MYH2: variants seen among roughly 807,000 people sequenced by gnomAD.
MYH2 encodes myosin heavy chain 2, also known as myosin-2.
MYH2 carries 139 observed loss-of-function variants against 228.1 expected under a neutral mutation model. The observed-to-expected ratio is 0.61, with a 90% CI of 0.53 to 0.70. The LOEUF is 0.70. MYH2 is among the 30% of genes least tolerant of loss of function. The pLI is 0.00. For synonymous variants in MYH2, 796 were observed against 871.1 expected, an observed-to-expected ratio of 0.91 and a Z score of 1.52; for missense variants, 1,809 against 2,357.5, an observed-to-expected ratio of 0.77 and a Z score of 4.82.
At position 10,521,272 on chromosome 17, in the gene MYH2, G is replaced by A. The variant is rs780497979; in HGVS notation, c.*8C>T. The A allele has an allele frequency of 1.2e-5, 19 of 1,613,176 alleles. No individual in the cohort carries two copies. In the East Asian group the frequency reaches 2.5e-4, roughly 21 times the overall value. ...TGTCTTCAGTCATTCCATGGCATCA[G>A]GACATGATCACTCTTCACTTATGAC... On this transcript the variant is annotated 3_prime_UTR_variant, in exon 40 of 40. Coordinates refer to ENST00000245503, the MANE Select transcript of MYH2 (RefSeq NM_017534.6).
chr17:10,529,676 T>G lies in MYH2; in HGVS notation c.3005A>C (p.Lys1002Thr), dbSNP rs1324293373. Residue 1002 changes from lysine to threonine, a missense_variant, in exon 24 of 40, where the codon AAG becomes ACG. This residue lies in a region of MYH2 where 636 missense variants were observed against 729.9 expected (regional missense o/e 0.87). Coordinates refer to ENST00000245503, the MANE Select transcript of MYH2 (RefSeq NM_017534.6). Reference protein sequence around the residue: ...DETIAKLTKEKKALQEAHQQT... With the variant: ...DETIAKLTKETKALQEAHQQT... ...CTGGTGGGCCTCCTGGAGAGCCTTC[T>G]TCTCCTTGGTCAGCTTAGCAATGGT... The G allele has an allele frequency of 1.2e-6, 2 of 1,614,032 alleles. No homozygotes were observed. The highest frequency in any genetic ancestry group is 1.3e-5 in the African/African-American group (1 of 74,940).
At position 10,533,389 on chromosome 17, in the gene MYH2, T is replaced by C. The variant is rs762708473; in HGVS notation, c.2337A>G (p.Leu779=). 6.2e-7 allele frequency: 1 copy of C among 1,614,062 alleles called. No individual in the cohort carries two copies. The highest frequency in any genetic ancestry group is 8.5e-7 in the Non-Finnish European group (1 of 1,180,034). Residue 779 remains leucine, a synonymous_variant, in exon 21 of 40, where the codon CTA becomes CTG. Transcript: ENST00000245503. ...VFFKAGLLGL[L]EEMRDDKLAQ... is the part of the protein sequence containing the mutation. ...CCAGCTTGTCATCTCGCATCTCCTC[T>C]AGGAGCCCCAGAAGACCAGCTTTGA...
At chr17:10,531,260 T>C (rs1456271360) in intron 22 of MYH2, among the ~76,000 whole-genome samples, 1 of 152,216 alleles carries the variant, frequency 6.6e-6, no homozygotes, top group African/African-American at 2.4e-5. Context: ...ATCTAGAAGT[T>C]CAAGGAAGTT....
At chr17:10,536,723 G>T in intron 16 of MYH2, 117 bp from the exon 17 acceptor site, 1 of 890,264 alleles carries the variant, frequency 1.1e-6, no homozygotes. Context: ...TGGCCTCTCT[G>T]ATTGAGCCTG....
rs529942548 is a variant in MYH2, at chr17:10,541,467, G to T, written c.905-770C>A. On this transcript the variant is annotated intron_variant, in intron 10 of 39. Coordinates refer to ENST00000245503, the MANE Select transcript of MYH2 (RefSeq NM_017534.6). ...CTAGTAAATTTTAATCAGACCGGTT[G>T]TCTGCTCTCAAACCCTGCCTCCTGA... 2.0e-5 allele frequency among the ~76,000 whole-genome samples: 3 copies of T among 152,292 alleles called. No individual in the cohort carries two copies. In the South Asian group the frequency reaches 6.2e-4, roughly 32 times the overall value.
chr17:10,529,982 C>G lies in MYH2; in HGVS notation c.2790G>C (p.Glu930Asp). 6.2e-7 allele frequency: 1 copy of G among 1,614,042 alleles called. No homozygotes were observed. The highest frequency in any genetic ancestry group is 1.1e-5 in the South Asian group (1 of 91,078). The change falls in exon 23 of 40, where the codon GAG becomes GAC. Residue 930 changes from glutamate to aspartate, a missense_variant. Physicochemically the swap from Glu to Asp is conservative, Grantham distance 45 (BLOSUM62 2). This residue lies in a region of MYH2 where 43 missense variants were observed against 89.2 expected (regional missense o/e 0.48). Transcript: ENST00000245503. ...QLEAKIKEVT[E>D]RAEDEEEINA... is the part of the protein sequence containing the mutation. ...TGATCTCTTCCTCATCCTCAGCTCT[C>G]TCAGTCACCTCTTTGATTTTGGCTT...
intron 22 of MYH2, 121 bp downstream of exon 22, chr17:10,531,512 T>C: frequency 2.8e-6 from 4 of 1,417,842 alleles, no homozygotes; most frequent in Non-Finnish European, 4.0e-6. Flanking sequence ...CATTGGAGTG[T>C]TTTAACCTTT....
At chr17:10,538,817 G>T (rs144350312) in intron 14 of MYH2, among the ~76,000 whole-genome samples, 1 of 151,862 alleles carries the variant, frequency 6.6e-6, no homozygotes, top group Non-Finnish European at 1.5e-5. Flanking sequence ...AATATATTTC[G>T]TAATCAAATA....
intron 11 of MYH2, among the ~76,000 whole-genome samples, chr17:10,540,377 TTAGAAA>T (rs1160335327): frequency 6.7e-4 from 101 of 149,758 alleles, no homozygotes; most frequent in African/African-American, 2.3e-3. Context: ...AAAAAATAGT[TTAGAAA>T]TTTTCAGAAA....
chr17:10,547,655 A>G lies in MYH2; in HGVS notation c.205-37T>C, dbSNP rs569268149. On this transcript the variant is annotated intron_variant, in intron 3 of 39. Transcript: ENST00000245503. ...GAAAGATAACCGTTTACATTAATTG[A>G]GTGACCAAACAACAACAACAAAAAT... is the stretch of plus-strand genomic sequence containing the variant. 66 of 1,614,186 alleles carry G rather than the reference A, an allele frequency of 4.1e-5. 1 individual carries two copies. In the South Asian group the frequency reaches 6.6e-4, roughly 16 times the overall value.
intron 39 of MYH2, among the ~76,000 whole-genome samples, chr17:10,522,537 TTACTTC>T (rs1246182329): frequency 3.9e-5 from 6 of 152,072 alleles, no homozygotes; most frequent in Non-Finnish European, 8.8e-5. Context: ...ACAGTACTTC[TTACTTC>T]TACTGTTTTA....
In MYH2 at chr17:10,528,799, T is replaced by C. The variant is rs1456213666; in HGVS notation, c.3635A>G (p.Gln1212Arg). The change falls in exon 27 of 40, where the codon CAG becomes CGG. Residue 1212 changes from glutamine (Q) to arginine (R), a missense_variant. Transcript: ENST00000245503. ...CTTCACTCGCTGCAGGTTGTCAATCTGCTCCCCAAGCTCGGCCACACTATC... is the reference window on the plus strand; with the variant it reads ...CTTCACTCGCTGCAGGTTGTCAATCCGCTCCCCAAGCTCGGCCACACTATC... ...HADSVAELGE[Q>R]IDNLQRVKQK... The C allele has an allele frequency of 3.1e-6, 5 of 1,614,230 alleles. No individual in the cohort carries two copies. The highest frequency in any genetic ancestry group is 4.2e-6 in the Non-Finnish European group (5 of 1,180,036).
intron 39 of MYH2, among the ~76,000 whole-genome samples, chr17:10,522,778 GT>G (rs539100342): frequency 6.6e-6 from 1 of 151,822 alleles, no homozygotes; most frequent in Non-Finnish European, 1.5e-5. Flanking sequence ...AAGAAAGTTA[GT>G]TTTTTTAATA....
rs142539913 is a variant in MYH2 at position 10,547,738 on chromosome 17, C to T, written c.183G>A (p.Thr61=). 16,251 of 1,614,188 alleles carry T rather than the reference C, an allele frequency of 0.01. 113 individuals are homozygous for T. The highest frequency in any genetic ancestry group is 0.012 in the Non-Finnish European group (14,428 of 1,180,018). ...TIQSREGGKV[T]VKTEGGATLT... is the part of the protein sequence containing the mutation. ...TCACCGCTCCTCCCTCAGTCTTCAC[C>T]GTCACTTTTCCTCCTTCTCTGCTCT... The change falls in exon 3 of 40, where the codon ACG becomes ACA. Residue 61 remains threonine (T), a synonymous_variant. Transcript: ENST00000245503.
At position 10,527,774 on chromosome 17, in the gene MYH2, T is replaced by C. The variant is rs2073371896; in HGVS notation, c.3845A>G (p.Gln1282Arg). 1.2e-6 allele frequency: 2 copies of C among 1,614,004 alleles called. No homozygotes were observed. The highest frequency in any genetic ancestry group is 1.3e-5 in the African/African-American group (1 of 74,924). Residue 1282 changes from glutamine (Q) to arginine (R), a missense_variant, in exon 28 of 40, where the codon CAG (glutamine) becomes CGG (arginine). Physicochemically the swap from Gln to Arg is conservative, Grantham distance 43 (BLOSUM62 1). Coordinates refer to ENST00000245503, the MANE Select transcript of MYH2 (RefSeq NM_017534.6). ...QQRLINDLTA[Q>R]RGRLQTESGE... Reference sequence around the variant, plus strand: ...AGATTCAGTCTGCAGGCGCCCCCTCTGCGCAGTCAGGTCATTGATCAGCCG... The same window carrying C: ...AGATTCAGTCTGCAGGCGCCCCCTCCGCGCAGTCAGGTCATTGATCAGCCG...
At chr17:10,521,580 CATATATAT>C in intron 39 of MYH2, 148 bp from the exon 40 acceptor site, 3 of 444,694 alleles carry the variant, frequency 6.7e-6, no homozygotes, top group South Asian at 2.6e-5. Context: ...TTATTGATGT[CATATATAT>C]ATATATATAT....
intron 2 of MYH2, among the ~76,000 whole-genome samples, chr17:10,548,286 A>G (rs893737346): frequency 6.6e-6 from 1 of 152,194 alleles, no homozygotes; most frequent in African/African-American, 2.4e-5. Context: ...CTCCATCTTT[A>G]GAATAGGGAT....
chr17:10,528,702 G>C lies in MYH2; in HGVS notation c.3732C>G (p.Val1244=). ...GAATTTGTAGTACCTTGGCTTTGGA[G>C]ACCGTTTCTACATTACTAGCAAGGT... The part of the protein sequence containing the change: ...IDDLASNVET[V]SKAKGNLEKM... The change falls in exon 27 of 40, where the codon GTC becomes GTG. Residue 1244 remains valine (V), a synonymous_variant. Transcript: ENST00000245503. 6.2e-7 allele frequency: 1 copy of C among 1,614,000 alleles called. No homozygotes were observed. Among genetic ancestry groups the C allele is most frequent in the Non-Finnish European group, 8.5e-7 (1 of 1,179,930 alleles).
In MYH2 at chr17:10,537,085, A is replaced by G. The variant is rs774351588; in HGVS notation, c.1897+148T>C. ...CAGCAGTGGAGTGAGCCACAAATGT[A>G]TAATTACAAGGCTGCCTATCTATTC... is the stretch of plus-strand genomic sequence containing the variant. On this transcript the variant is annotated intron_variant, in intron 16 of 39. Coordinates refer to ENST00000245503, the MANE Select transcript of MYH2 (RefSeq NM_017534.6). This position sits in a 1 kb window ranked among gnomAD's most constrained non-coding sequence, Gnocchi z 4.0. 2.8e-6 allele frequency: 3 copies of G among 1,086,974 alleles called. No homozygotes were observed. The highest frequency in any genetic ancestry group is 2.4e-5 in the East Asian group (1 of 42,410). The allele number at this position is 1,086,974 out of a possible 1,614,324, so 67.3% of individuals were successfully genotyped here.
Sources: gnomAD v4.1 joint callset for allele counts (sites outside exome capture counted in the v4.1 genomes callset) on GRCh38, gnomAD v4.1.1 for gene constraint, gnomAD v4.1.1 regional missense constraint, Gnocchi (gnomAD v3.1) non-coding constraint, MANE v1.5 for transcripts, NCBI Gene and HGNC (gene_info 2026-07-23, HGNC 2026-07-21) for gene names.